The following SGCD variants were observed in gnomAD, a reference collection of about 807,000 sequenced individuals.
The protein encoded by SGCD is delta-sarcoglycan.
In SGCD, 18 loss-of-function variants were observed where a neutral mutation model predicts 36.6. That is an observed-to-expected ratio of 0.49 (90% confidence interval 0.34 to 0.73). The LOEUF (loss-of-function observed/expected upper bound fraction) is 0.73, where lower values mean the gene tolerates loss of function less well. Ranked by LOEUF, SGCD falls within the 30% of genes least tolerant of loss-of-function variation. SGCD has a pLI of 0.01. For missense variants in SGCD, 387 were observed against 346.7 expected (o/e 1.12, Z -0.92); for synonymous variants, 133 against 130.6 (o/e 1.02, Z -0.12).
the SGCD span, among the ~76,000 whole-genome samples, chr5:155,814,563 C>A: frequency 6.6e-6 from 1 of 152,174 alleles, no homozygotes; most frequent in African/African-American, 2.4e-5. Flanking sequence ...GCTGACCAGA[C>A]CATAAATGGC....
At chr5:156,165,593 G>T (rs1385537065) in intron 3 of SGCD, among the ~76,000 whole-genome samples, 1 of 152,142 alleles carries the variant, frequency 6.6e-6, no homozygotes, top group Non-Finnish European at 1.5e-5. Context: ...GATTTTTCTA[G>T]TTGAATCCTT....
At chr5:156,441,532 A>T (rs1338888669) in intron 3 of SGCD, among the ~76,000 whole-genome samples, 1 of 152,158 alleles carries the variant, frequency 6.6e-6, no homozygotes, top group Non-Finnish European at 1.5e-5. Flanking sequence ...ACTAAAAATG[A>T]TCATTTCCAC....
chr5:156,271,529 A>C (rs1177211209), intron 3 of SGCD, among the ~76,000 whole-genome samples: 3 of 152,176 alleles, frequency 2.0e-5, no homozygotes, highest in Non-Finnish European at 4.4e-5. Context: ...TTTCACTTGT[A>C]TAAAACATAG....
chr5:156,369,216 T>C (rs1770262752), intron 3 of SGCD, among the ~76,000 whole-genome samples: 1 of 152,108 alleles, frequency 6.6e-6, no homozygotes, highest in African/African-American at 2.4e-5. Context: ...TAGAACTGAG[T>C]AGTGAACATA....
intron 4 of SGCD, among the ~76,000 whole-genome samples, chr5:156,562,677 T>C (rs1759315754): frequency 6.6e-6 from 1 of 151,992 alleles, no homozygotes; most frequent in African/African-American, 2.4e-5. Context: ...AGGGCAACAG[T>C]GGGGCTGGGA....
chr5:156,464,194 GA>G (rs1754620879), intron 3 of SGCD, among the ~76,000 whole-genome samples: 2 of 148,362 alleles, frequency 1.3e-5, no homozygotes, highest in Admixed American at 1.4e-4. Context: ...GTAAGTGGAA[GA>G]ATCTAGGTTT....
intron 3 of SGCD, among the ~76,000 whole-genome samples, chr5:156,301,821 C>G (rs1457814035): frequency 6.7e-6 from 1 of 150,166 alleles, no homozygotes; most frequent in African/African-American, 2.5e-5. Flanking sequence ...CAGCACTTTA[C>G]ATATGTCATG....
In SGCD at chr5:156,569,606, C is replaced by CAAA. The variant is rs11364707; in HGVS notation, c.295-19613_295-19611dup. The stretch of plus-strand genomic sequence containing the variant: ...ATATTGATTTTTTGAGACCCTGTCT[C>CAAA]AAAAAAAAAAAAAATAGACAATCAG... On this transcript the variant is annotated intron_variant, in intron 4 of 8. Transcript: ENST00000337851. Among the ~76,000 whole-genome samples the CAAA allele has an allele frequency of 5.8e-3, 723 of 124,564 alleles. 7 individuals are homozygous for CAAA. Among genetic ancestry groups the CAAA allele is most frequent in the African/African-American group, 0.021 (689 of 32,808 alleles). The allele number at this position is 124,564 out of a possible 152,430, so 81.7% of individuals were successfully genotyped here.
intron 1 of SGCD, among the ~76,000 whole-genome samples, chr5:155,909,742 G>GA (rs918892093): frequency 2.6e-5 from 4 of 152,112 alleles, no homozygotes; most frequent in African/African-American, 9.7e-5. Context: ...TTTTGTAGTA[G>GA]ACTTTAGCTG....
intron 7 of SGCD, among the ~76,000 whole-genome samples, chr5:156,682,765 C>A (rs1299992783): frequency 2.0e-5 from 3 of 149,938 alleles, no homozygotes; most frequent in Non-Finnish European, 4.4e-5. Flanking sequence ...GGTCAAGGAC[C>A]AGGGGAGGCT....
chr5:156,439,893 A>G (rs1002154862), intron 3 of SGCD, among the ~76,000 whole-genome samples: 1 of 152,144 alleles, frequency 6.6e-6, no homozygotes, highest in Non-Finnish European at 1.5e-5. Context: ...AAGATTTCCC[A>G]TTTGTGCCTT....
At chr5:155,954,770 AG>A (rs1757616429) in intron 1 of SGCD, among the ~76,000 whole-genome samples, 1 of 152,152 alleles carries the variant, frequency 6.6e-6, no homozygotes, top group East Asian at 1.9e-4. Flanking sequence ...ATGTATATCC[AG>A]GAAGAGCCTT....
intron 1 of SGCD, among the ~76,000 whole-genome samples, chr5:155,962,468 A>C (rs1308156863): frequency 6.6e-6 from 1 of 152,084 alleles, no homozygotes; most frequent in Non-Finnish European, 1.5e-5. Flanking sequence ...GATACTGTCC[A>C]GTGGTTTCTC....
chr5:155,988,618 G>T (rs540386241), intron 1 of SGCD, among the ~76,000 whole-genome samples: 45 of 151,706 alleles, frequency 3.0e-4, no homozygotes, highest in Non-Finnish European at 5.9e-4. Context: ...TCCAGATGTC[G>T]TATTGTCTAA....
chr5:156,379,915 T>A (rs896305938), intron 3 of SGCD, among the ~76,000 whole-genome samples: 3 of 152,194 alleles, frequency 2.0e-5, no homozygotes, highest in African/African-American at 7.2e-5. Flanking sequence ...AAGCAAAAAA[T>A]TTGACTGCAA....
intron 7 of SGCD, among the ~76,000 whole-genome samples, chr5:156,750,232 A>T (rs1257365386): frequency 1.3e-5 from 2 of 152,098 alleles, no homozygotes; most frequent in African/African-American, 4.8e-5. Context: ...AGGGGAGAAA[A>T]ATCCTAGAAT....
rs544158651 is a variant in SGCD, at chr5:156,011,090, C to T, written c.-281-106788C>T. On this transcript the variant is annotated intron_variant, in intron 1 of 9. Coordinates refer to the SGCD transcript ENST00000517913. The stretch of plus-strand genomic sequence containing the variant: ...ATTGTGGCTTTTAAAAAGACACATA[C>T]GGAAATATAGGGATAAGAGGTAGAG... 9.9e-5 allele frequency among the ~76,000 whole-genome samples: 15 copies of T among 152,078 alleles called. No homozygotes were observed. The South Asian group carries it at 2.1e-3, about 21-fold the overall frequency.
Position 156,409,425 on chromosome 5 carries a change from C to T in SGCD, c.192+64748C>T, listed in dbSNP as rs141150334. Among the ~76,000 whole-genome samples, 37 of 152,322 alleles carry T rather than the reference C, an allele frequency of 2.4e-4. 2 individuals carry two copies. The East Asian group carries it at 7.0e-3, about 29-fold the overall frequency. The stretch of plus-strand genomic sequence containing the variant: ...TTAAAGATAACGCAGTTCTTCAGAT[C>T]GCCCACGCATCAGACCATATCATAA... On this transcript the variant is annotated intron_variant, in intron 3 of 8. Coordinates refer to ENST00000337851, the MANE Select transcript of SGCD (RefSeq NM_000337.6).
chr5:156,314,259 C>T (rs939424933), intron 3 of SGCD, among the ~76,000 whole-genome samples: 1 of 151,926 alleles, frequency 6.6e-6, no homozygotes, highest in Non-Finnish European at 1.5e-5. Flanking sequence ...GCTGTTTAAA[C>T]ATTTTCTGTC....
Sources: gnomAD v4.1 joint callset for allele counts (sites outside exome capture counted in the v4.1 genomes callset) on GRCh38, gnomAD v4.1.1 for gene constraint, MANE v1.5 for transcripts, NCBI Gene and HGNC (gene_info 2026-07-23, HGNC 2026-07-21) for gene names.